Variants in MLLT10 observed in about 807,000 individuals in gnomAD.
MLLT10 encodes the protein MLLT10 histone lysine methyltransferase DOT1L cofactor, also known as protein AF-10.
In MLLT10, 30 loss-of-function variants were observed where a neutral mutation model predicts 129.1. The ratio of observed to expected loss-of-function variants is 0.23; its 90% CI spans 0.17 to 0.32. MLLT10 has a LOEUF of 0.32. Ranked by LOEUF, MLLT10 falls within the 10% of genes least tolerant of loss-of-function variation. MLLT10 has a pLI of 1.00. For synonymous variants in MLLT10, 490 were observed against 446.4 expected, an observed-to-expected ratio of 1.10 and a Z score of -1.23; for missense variants, 1,119 against 1,268.3, an observed-to-expected ratio of 0.88 and a Z score of 1.79.
chr10:21,603,901 A>G (rs2043809554), intron 5 of MLLT10, among the ~76,000 whole-genome samples: 1 of 150,132 alleles, frequency 6.7e-6, no homozygotes. Flanking sequence ...CTGTCTCCAT[A>G]TGGCTATCTT....
chr10:21,697,120 AAAGAG>A (rs1223386825), intron 13 of MLLT10, among the ~76,000 whole-genome samples: 1 of 151,246 alleles, frequency 6.6e-6, no homozygotes, highest in Non-Finnish European at 1.5e-5. Flanking sequence ...AAAAAAAAAA[AAAGAG>A]GGAGAATTTA....
intron 3 of MLLT10, among the ~76,000 whole-genome samples, chr10:21,561,724 G>A (rs1190109243): frequency 2.0e-5 from 3 of 152,084 alleles, no homozygotes; most frequent in Non-Finnish European, 4.4e-5. Flanking sequence ...TGGCACTTTT[G>A]TTGAAAATCA....
intron 5 of MLLT10, among the ~76,000 whole-genome samples, chr10:21,610,543 T>C (rs993103688): frequency 5.3e-5 from 8 of 152,190 alleles, no homozygotes; most frequent in Non-Finnish European, 8.8e-5. Flanking sequence ...CAGAGACTAC[T>C]TGACTGTTTT....
At chr10:21,577,907 T>C (rs1486406502) in intron 3 of MLLT10, among the ~76,000 whole-genome samples, 1 of 152,086 alleles carries the variant, frequency 6.6e-6, no homozygotes, top group Non-Finnish European at 1.5e-5. Context: ...ATTATATTAT[T>C]TTTTTAGACA....
At chr10:21,622,157 T>G (rs953629700) in intron 8 of MLLT10, among the ~76,000 whole-genome samples, 8 of 137,912 alleles carry the variant, frequency 5.8e-5, no homozygotes, top group Non-Finnish European at 1.1e-4. Context: ...TTTTTCCTTT[T>G]TTTTTTTTTT....
chr10:21,605,589 C>T (rs74722793), intron 5 of MLLT10, among the ~76,000 whole-genome samples: 3,665 of 152,062 alleles, frequency 0.024, 52 homozygotes, highest in Non-Finnish European at 0.033. Flanking sequence ...GGACTACAGC[C>T]ATATGCCATC....
chr10:21,735,186 T>C lies in MLLT10; in HGVS notation c.2906T>C (p.Ile969Thr), dbSNP rs750112405. The change falls in exon 21 of 23, where the codon ATT becomes ACT. Residue 969 changes from isoleucine to threonine, a missense_variant. Physicochemically the swap from Ile to Thr is moderately conservative, Grantham distance 89. Coordinates refer to ENST00000307729, the MANE Select transcript of MLLT10 (RefSeq NM_001195626.3). ...LLSDQQRQIL[I>T]HQQQFQQLLN... is the part of the protein sequence containing the mutation. ...TCTGACCAGCAACGACAAATACTTA[T>C]TCATCAACAGCAGTTTCAGCAGTTG... The C allele has an allele frequency of 4.3e-6, 7 of 1,614,046 alleles. No homozygotes were observed. In the South Asian group the frequency reaches 4.4e-5, roughly 10 times the overall value.
intron 11 of MLLT10, among the ~76,000 whole-genome samples, chr10:21,679,631 T>C (rs1014738564): frequency 2.6e-5 from 4 of 152,038 alleles, no homozygotes; most frequent in East Asian, 3.9e-4. Flanking sequence ...TTGCAAGGGG[T>C]TGATGGTTTA....
Position 21,534,437 on chromosome 10 carries a change from G to A in MLLT10, c.-84G>A, listed in dbSNP as rs1273023016. ...AGGAGGAGGAGGAGGCGGAGGAGGC[G>A]GTGGAGGGGAGGTGGGGGGAATCAG... On this transcript the variant is annotated 5_prime_UTR_variant, in exon 1 of 23. Transcript: ENST00000307729. 10 of 487,778 alleles carry A rather than the reference G, an allele frequency of 2.1e-5. No homozygotes were observed. Among genetic ancestry groups the A allele is most frequent in the Non-Finnish European group, 3.2e-5 (9 of 277,978 alleles). 30.2% of individuals were successfully genotyped at this position (487,778 alleles called of 1,614,324 possible). A position where few individuals can be genotyped will look rare whatever the true frequency, so the allele number is the denominator to read the frequency against.
intron 3 of MLLT10, among the ~76,000 whole-genome samples, chr10:21,539,376 A>AG (rs2034666608): frequency 6.6e-6 from 1 of 151,130 alleles, no homozygotes; most frequent in African/African-American, 2.4e-5. Context: ...CACTGATTTC[A>AG]GGCATTCAGT....
At chr10:21,721,470 C>T (rs1438889354) in intron 14 of MLLT10, among the ~76,000 whole-genome samples, 1 of 152,136 alleles carries the variant, frequency 6.6e-6, no homozygotes, top group Non-Finnish European at 1.5e-5. Context: ...ACGCAGTCGA[C>T]TCCTTTAGCA....
intron 13 of MLLT10, among the ~76,000 whole-genome samples, chr10:21,682,707 C>T (rs1030518937): frequency 1.3e-5 from 2 of 152,070 alleles, no homozygotes; most frequent in African/African-American, 4.8e-5. Flanking sequence ...GGAAGATAGT[C>T]TTTTAAATTA....
chr10:21,579,382 G>T (rs1224970080), intron 3 of MLLT10, among the ~76,000 whole-genome samples: 5 of 151,954 alleles, frequency 3.3e-5, no homozygotes, highest in African/African-American at 1.2e-4. Context: ...TCAAATTGAA[G>T]AAATTTTCAG....
intron 3 of MLLT10, among the ~76,000 whole-genome samples, chr10:21,582,619 C>T (rs1384837847): frequency 6.6e-6 from 1 of 152,004 alleles, no homozygotes; most frequent in South Asian, 2.1e-4. Context: ...CTGAAGTGGT[C>T]CTGATGAAAG....
At chr10:21,580,219 C>T (rs1460153401) in intron 3 of MLLT10, among the ~76,000 whole-genome samples, 1 of 151,432 alleles carries the variant, frequency 6.6e-6, no homozygotes, top group African/African-American at 2.4e-5. Context: ...CTGAGACATC[C>T]TGTTTTATTT....
At position 21,742,575 on chromosome 10, in the gene MLLT10, G is replaced by C; in HGVS notation, c.*592G>C. On this transcript the variant is annotated 3_prime_UTR_variant, in exon 23 of 23. Transcript: ENST00000307729. ...GGATTTGGCCAATTTTGGTAATGAAGTTAGGATGGTAATGTCTGCATCTGC... is the reference window on the plus strand; with the variant it reads ...GGATTTGGCCAATTTTGGTAATGAACTTAGGATGGTAATGTCTGCATCTGC... 4.6e-6 allele frequency: 1 copy of C among 218,150 alleles called. No homozygotes were observed. 13.5% of individuals were successfully genotyped at this position (218,150 alleles called of 1,614,324 possible). A position where few individuals can be genotyped will look rare whatever the true frequency, so the allele number is the denominator to read the frequency against.
At position 21,733,592 on chromosome 10, in the gene MLLT10, G is replaced by T; in HGVS notation, c.2496G>T (p.Gln832His). The change falls in exon 19 of 23, where the codon CAG becomes CAT. Residue 832 changes from glutamine to histidine, a missense_variant and splice_region_variant. Gln to His is a conservative substitution (Grantham distance 24). Around this residue, in one of 5 missense-constraint regions of MLLT10, gnomAD observed 1,004 missense variants for 1,008.7 expected, o/e 1.00. Transcript: ENST00000307729. ...ATAATTCTCTTCCTGTATTAAATCA[G>T]GTAATTTTTGTATGGTTATTTTCAT... ...LPDNSLPVLN[Q>H]DLTSSGQSTS... is the part of the protein sequence containing the mutation. 2 of 1,545,250 alleles carry T rather than the reference G, an allele frequency of 1.3e-6. No individual in the cohort carries two copies.
chr10:21,669,142 T>C, intron 9 of MLLT10: 1 of 1,189,464 alleles, frequency 8.4e-7, no homozygotes, highest in Non-Finnish European at 1.1e-6. Context: ...AAACGTTTGT[T>C]CTTGTTTGTG....
chr10:21,738,500 C>T lies in MLLT10; in HGVS notation c.2956-1530C>T, dbSNP rs1368919209. On this transcript the variant is annotated intron_variant, in intron 21 of 22. Transcript: ENST00000307729. ...GAGGACTAAAGGACTGTACTTTTTC[C>T]TTCATCTGCCAATGTCGTGGGCTAA... 2.3e-6 allele frequency: 3 copies of T among 1,287,864 alleles called. No individual in the cohort carries two copies. The East Asian group carries it at 1.7e-4, about 71-fold the overall frequency. The allele number at this position is 1,287,864 out of a possible 1,614,324, so 79.8% of individuals were successfully genotyped here. A position where few individuals can be genotyped will look rare whatever the true frequency, so the allele number is the denominator to read the frequency against.
Sources: gnomAD v4.1 joint callset for allele counts (sites outside exome capture counted in the v4.1 genomes callset) on GRCh38, gnomAD v4.1.1 for gene constraint, gnomAD v4.1.1 regional missense constraint, MANE v1.5 for transcripts, NCBI Gene and HGNC (gene_info 2026-07-23, HGNC 2026-07-21) for gene names.